Variants in EMC2 observed in about 807,000 individuals in gnomAD.
The protein encoded by EMC2 is TPR repeat protein 35.
EMC2 carries 37 observed loss-of-function variants against 51.6 expected under a neutral mutation model. The observed-to-expected ratio is 0.72, with a 90% CI of 0.55 to 0.94. The LOEUF (loss-of-function observed/expected upper bound fraction) is 0.94, where lower values mean the gene tolerates loss of function less well. Among genes scored for constraint, EMC2 ranks in the 40% least tolerant of loss-of-function variants. EMC2 has a pLI of 0.00. For missense variants in EMC2, 359 were observed against 350.9 expected, an observed-to-expected ratio of 1.02 and a Z score of -0.18; for synonymous variants, 131 against 112.4, an observed-to-expected ratio of 1.17 and a Z score of -1.04.
At chr8:108,483,737 G>C (rs1811087064) in intron 10 of EMC2, among the ~76,000 whole-genome samples, 1 of 152,014 alleles carries the variant, frequency 6.6e-6, no homozygotes, top group Middle Eastern at 3.2e-3. Context: ...TTTTCTTATA[G>C]ATCTTACAGA....
chr8:108,479,128 A>G lies in EMC2; in HGVS notation c.807+18A>G, dbSNP rs1425549801. ...CTTATCAGGTTAGTATTTATTGATCATTTTGCTATGTAGGTCAGTTAATGT... is the reference window on the plus strand; with the variant it reads ...CTTATCAGGTTAGTATTTATTGATCGTTTTGCTATGTAGGTCAGTTAATGT... On this transcript the variant is annotated intron_variant, in intron 10 of 10. Transcript: ENST00000220853. 5 of 1,397,562 alleles carry G rather than the reference A, an allele frequency of 3.6e-6. No homozygotes were observed. Among genetic ancestry groups the G allele is most frequent in the Non-Finnish European group, 4.9e-6 (5 of 1,023,730 alleles). The allele number at this position is 1,397,562 out of a possible 1,614,324, so 86.6% of individuals were successfully genotyped here. A position where few individuals can be genotyped will look rare whatever the true frequency, so the allele number is the denominator to read the frequency against.
rs559219662 is a variant in EMC2 at position 108,487,533 on chromosome 8, A to G, written c.*935A>G. On this transcript the variant is annotated 3_prime_UTR_variant, in exon 11 of 11. Coordinates refer to ENST00000220853, the MANE Select transcript of EMC2 (RefSeq NM_014673.5). ...AGTATTTGACATGTTTCAACAAAAT[A>G]GAAGAGACTTGAAAGTTAAATTTCA... 3.3e-5 allele frequency among the ~76,000 whole-genome samples: 5 copies of G among 152,172 alleles called. No homozygotes were observed. The East Asian group carries it at 9.6e-4, about 29-fold the overall frequency.
chr8:108,478,019 G>A (rs973293268), intron 9 of EMC2, among the ~76,000 whole-genome samples: 10 of 152,044 alleles, frequency 6.6e-5, no homozygotes, highest in South Asian at 2.1e-4. Context: ...AGTTTTTCTC[G>A]TAACCACTGC....
At chr8:108,478,886 T>C (rs1810996124) in intron 9 of EMC2, 120 bp from the exon 10 acceptor site, 1 of 399,090 alleles carries the variant, frequency 2.5e-6, no homozygotes, top group Non-Finnish European at 4.4e-6. Context: ...TATTAAAAAT[T>C]ATTTTAATAC....
At chr8:108,474,373 T>A (rs1452910137) in intron 7 of EMC2, 1 of 151,954 alleles carries the variant, frequency 6.6e-6, no homozygotes, top group Non-Finnish European at 1.5e-5. Flanking sequence ...GAGACAAATT[T>A]TCCCTTTTCT....
intron 5 of EMC2, among the ~76,000 whole-genome samples, chr8:108,458,420 C>T (rs1819220466): frequency 6.6e-6 from 1 of 152,192 alleles, no homozygotes; most frequent in Non-Finnish European, 1.5e-5. Context: ...GGTAGCCCCG[C>T]CCGTGCAACA....
At chr8:108,468,616 C>G (rs1810786406) in intron 5 of EMC2, among the ~76,000 whole-genome samples, 1 of 152,092 alleles carries the variant, frequency 6.6e-6, no homozygotes, top group Non-Finnish European at 1.5e-5. Flanking sequence ...CCAAATCACT[C>G]TCTTACCACC....
At chr8:108,455,821 C>G in intron 4 of EMC2, 52 bp from the exon 5 acceptor site, 1 of 640,106 alleles carries the variant, frequency 1.6e-6, no homozygotes, top group South Asian at 2.1e-5. Context: ...TACTATTTAT[C>G]ACTATATTTT....
chr8:108,450,459 A>C lies in EMC2; in HGVS notation c.186A>C (p.Ala62=), dbSNP rs772281199. ...TCATATATGAACAGGTGATGATTGC[A>C]GCACTAGACTATGGTCGGGATGACT... ...IWIIYEQVMI[A]ALDYGRDDLA... Residue 62 remains alanine (A), a synonymous_variant, in exon 3 of 11, where the codon GCA becomes GCC. Transcript: ENST00000220853. 3 of 1,603,146 alleles carry C rather than the reference A, an allele frequency of 1.9e-6. No homozygotes were observed. In the African/African-American group the frequency reaches 4.0e-5, roughly 21 times the overall value.
intron 10 of EMC2, among the ~76,000 whole-genome samples, chr8:108,485,807 A>T (rs1470962054): frequency 1.3e-5 from 2 of 151,508 alleles, no homozygotes; most frequent in African/African-American, 2.4e-5. Context: ...TATTTTGTGT[A>T]TATATTGATG....
intron 5 of EMC2, among the ~76,000 whole-genome samples, chr8:108,460,365 G>A (rs1256154309): frequency 1.3e-5 from 2 of 152,090 alleles, no homozygotes; most frequent in Non-Finnish European, 2.9e-5. Context: ...CTGGCTAAAA[G>A]AGAAATCCAA....
rs1311230256 is a variant in EMC2, at chr8:108,457,321, CGTGTGTGTGCGTGTGTGT to C, written c.363+1401_363+1418del. ...GTGTGGGGGTTTGTGTAGGGATGTG[CGTGTGTGTGCGTGTGTGT>C]GTGTGTGTGTGTGTGTGTGTGTGTG... On this transcript the variant is annotated intron_variant, in intron 5 of 10. Coordinates refer to ENST00000220853, the MANE Select transcript of EMC2 (RefSeq NM_014673.5). 1.8e-4 allele frequency among the ~76,000 whole-genome samples: 20 copies of C among 109,998 alleles called. 1 individual carries two copies. The highest frequency in any genetic ancestry group is 3.6e-4 in the South Asian group (1 of 2,764). 72.2% of individuals were successfully genotyped at this position (109,998 alleles called of 152,430 possible).
rs189802741 is a variant in EMC2 at position 108,468,897 on chromosome 8, T to G, written c.364-929T>G. ...GCTTTCTCCTAGGCCTTTGCTCATG[T>G]GTTCTTCCCACTATGCAGTTTCCAT... On this transcript the variant is annotated intron_variant, in intron 5 of 10. Coordinates refer to ENST00000220853, the MANE Select transcript of EMC2 (RefSeq NM_014673.5). 1.8e-3 allele frequency among the ~76,000 whole-genome samples: 279 copies of G among 152,346 alleles called. 3 individuals carry two copies. Among genetic ancestry groups the G allele is most frequent in the Admixed American group, 0.016 (238 of 15,302 alleles).
intron 5 of EMC2, among the ~76,000 whole-genome samples, chr8:108,456,254 A>G (rs1819151737): frequency 7.1e-6 from 1 of 139,878 alleles, no homozygotes. Context: ...AATCCCTTGA[A>G]CCTGGGTGGC....
At chr8:108,484,579 A>G (rs1348460787) in intron 10 of EMC2, among the ~76,000 whole-genome samples, 2 of 152,004 alleles carry the variant, frequency 1.3e-5, no homozygotes, top group Admixed American at 1.3e-4. Context: ...AGCTCTACAT[A>G]ATTTTTTTTA....
Position 108,455,924 on chromosome 8 carries a change from T to C in EMC2, c.357T>C (p.Thr119=), listed in dbSNP as rs772733460. The C allele has an allele frequency of 3.7e-6, 5 of 1,357,204 alleles. No individual in the cohort carries two copies. Among genetic ancestry groups the C allele is most frequent in the Non-Finnish European group, 5.0e-6 (5 of 1,000,206 alleles). The allele number at this position is 1,357,204 out of a possible 1,614,324, so 84.1% of individuals were successfully genotyped here. A position where few individuals can be genotyped will look rare whatever the true frequency, so the allele number is the denominator to read the frequency against. ...LYDRILQEDP[T]NTAARKRKIA... is the part of the protein sequence containing the mutation. ...ATAGGATTTTACAAGAAGATCCAACTAACACTGTAAGTTGGCAGATTGTCT... is the reference window on the plus strand; with the variant it reads ...ATAGGATTTTACAAGAAGATCCAACCAACACTGTAAGTTGGCAGATTGTCT... Residue 119 remains threonine, a synonymous_variant, in exon 5 of 11, where the codon ACT becomes ACC. Transcript: ENST00000220853.
At chr8:108,465,497 G>C (rs536494643) in intron 5 of EMC2, among the ~76,000 whole-genome samples, 2 of 152,152 alleles carry the variant, frequency 1.3e-5, no homozygotes, top group African/African-American at 2.4e-5. Flanking sequence ...TTATGTATTC[G>C]ATGCTCTTTG....
intron 5 of EMC2, chr8:108,463,926 G>A (rs1563696423): frequency 6.6e-6 from 1 of 152,484 alleles, no homozygotes; most frequent in Non-Finnish European, 1.5e-5. Flanking sequence ...ACTGGCTGTA[G>A]CACCAAACCC....
At chr8:108,462,859 TTCTTAAACA>T (rs2130370900) in intron 5 of EMC2, among the ~76,000 whole-genome samples, 1 of 151,594 alleles carries the variant, frequency 6.6e-6, no homozygotes, top group East Asian at 1.9e-4. Flanking sequence ...TCTTTTAATA[TTCTTAAACA>T]GCTATGGGAT....
Sources: gnomAD v4.1 joint callset for allele counts (sites outside exome capture counted in the v4.1 genomes callset) on GRCh38, gnomAD v4.1.1 for gene constraint, MANE v1.5 for transcripts, NCBI Gene and HGNC (gene_info 2026-07-23, HGNC 2026-07-21) for gene names.